The following IGSF11 variants were observed in gnomAD, a reference collection of about 807,000 sequenced individuals.
IGSF11 encodes CXADR like 1.
A neutral mutation model predicts 41.0 loss-of-function variants in IGSF11; 22 were observed. The observed-to-expected ratio is 0.54, with a 90% CI of 0.38 to 0.77. The LOEUF (loss-of-function observed/expected upper bound fraction) is 0.77, where lower values mean the gene tolerates loss of function less well. Among genes scored for constraint, IGSF11 ranks in the 30% least tolerant of loss-of-function variants. IGSF11 has a pLI of 0.00. For missense variants in IGSF11, 444 were observed against 530.8 expected, an observed-to-expected ratio of 0.84 and a Z score of 1.61; for synonymous variants, 219 against 201.3, an observed-to-expected ratio of 1.09 and a Z score of -0.74.
chr3:118,966,525 T>C (rs887001521), intron 1 of IGSF11, among the ~76,000 whole-genome samples: 2 of 152,166 alleles, frequency 1.3e-5, no homozygotes, highest in African/African-American at 4.8e-5. Context: ...GCCTTTCTGA[T>C]TTGCATTTCC....
At chr3:119,105,220 A>G (rs765371466) in exon 1 of IGSF11, 9 of 1,521,328 alleles carry the variant, frequency 5.9e-6, no homozygotes, top group Non-Finnish European at 8.2e-6. Context: ...GGAAGGTGAG[A>G]ACAGGGGAAG....
chr3:119,143,871 G>T (rs2077682371), intron 1 of IGSF11, among the ~76,000 whole-genome samples: 1 of 152,058 alleles, frequency 6.6e-6, no homozygotes, highest in Non-Finnish European at 1.5e-5. Context: ...ACGAAGAAGT[G>T]CATTATATAT....
At chr3:118,907,395 G>A (rs1939740467) in intron 4 of IGSF11, among the ~76,000 whole-genome samples, 1 of 152,086 alleles carries the variant, frequency 6.6e-6, no homozygotes, top group African/African-American at 2.4e-5. Flanking sequence ...ACCCTAATGA[G>A]ACAAGTATAC....
intron 1 of IGSF11, among the ~76,000 whole-genome samples, chr3:119,058,492 GT>G: frequency 6.6e-6 from 1 of 151,682 alleles, no homozygotes; most frequent in African/African-American, 2.4e-5. Context: ...TGGAGAGGAT[GT>G]GGAGAAATAA....
At chr3:119,131,523 C>T (rs1180422468) in intron 1 of IGSF11, among the ~76,000 whole-genome samples, 1 of 152,172 alleles carries the variant, frequency 6.6e-6, no homozygotes, top group African/African-American at 2.4e-5. Context: ...AAGAAGGGAA[C>T]AAAGCCTCCA....
chr3:119,064,545 TAGGAATCATC>T (rs1194083595), intron 1 of IGSF11, among the ~76,000 whole-genome samples: 104 of 149,494 alleles, frequency 7.0e-4, no homozygotes, highest in African/African-American at 2.2e-3. Context: ...CATGTGAACT[TAGGAATCATC>T]ACCTCAATTT....
intron 1 of IGSF11, among the ~76,000 whole-genome samples, chr3:119,115,387 T>C (rs1019901587): frequency 1.3e-5 from 2 of 152,230 alleles, no homozygotes; most frequent in African/African-American, 4.8e-5. Flanking sequence ...GGGTTCCCTT[T>C]TCCTCACATC....
In IGSF11 at chr3:119,034,655, C is replaced by A; in HGVS notation, c.-73G>T. The A allele has an allele frequency of 6.8e-7, 1 of 1,480,142 alleles. No individual in the cohort carries two copies. The highest frequency in any genetic ancestry group is 9.0e-7 in the Non-Finnish European group (1 of 1,109,250). The allele number at this position is 1,480,142 out of a possible 1,614,324, so 91.7% of individuals were successfully genotyped here. The stretch of plus-strand genomic sequence containing the variant: ...CAACAGGAGAGGAGCGGGCGTGAGT[C>A]TCCGCGCTCTTGGGGCAGCCTGGTC... On this transcript the variant is annotated 5_prime_UTR_variant, in exon 1 of 7. Coordinates refer to ENST00000393775, the MANE Select transcript of IGSF11 (RefSeq NM_001015887.3).
chr3:118,946,879 A>T (rs1167723633), intron 1 of IGSF11, among the ~76,000 whole-genome samples: 1 of 152,260 alleles, frequency 6.6e-6, no homozygotes, highest in African/African-American at 2.4e-5. Flanking sequence ...TGGGAGGCCA[A>T]GGCGGGCGGA....
At position 118,902,622 on chromosome 3, in the gene IGSF11, A is replaced by C. The variant is rs1378231079; in HGVS notation, c.1194T>G (p.Pro398=). 6.2e-7 allele frequency: 1 copy of C among 1,613,932 alleles called. No homozygotes were observed. The part of the protein sequence containing the change: ...SNGSVSRKPR[P]PHTHSYTISH... ...TGATGGTGTAGGAATGAGTGTGTGG[A>C]GGCCGAGGCTTCCTACTGACTGAGC... The change falls in exon 7 of 7, where the codon CCT becomes CCG. Residue 398 remains proline, a synonymous_variant. Transcript: ENST00000393775.
At chr3:118,950,557 C>T (rs979210987) in intron 1 of IGSF11, among the ~76,000 whole-genome samples, 8 of 151,832 alleles carry the variant, frequency 5.3e-5, no homozygotes, top group Non-Finnish European at 7.4e-5. Flanking sequence ...AATACACACA[C>T]GCAAACATAT....
intron 1 of IGSF11, among the ~76,000 whole-genome samples, chr3:118,995,271 G>A (rs1055193248): frequency 3.3e-5 from 5 of 152,140 alleles, no homozygotes; most frequent in Admixed American, 6.5e-5. Context: ...CAAATGCAAT[G>A]TTACATAGTA....
chr3:119,076,306 C>T (rs2076498232), intron 1 of IGSF11, among the ~76,000 whole-genome samples: 3 of 152,106 alleles, frequency 2.0e-5, no homozygotes, highest in Admixed American at 1.3e-4. Context: ...ACCATAAAAA[C>T]CCTAGAAGAA....
At chr3:119,127,395 C>T (rs966208801) in intron 1 of IGSF11, among the ~76,000 whole-genome samples, 10 of 151,616 alleles carry the variant, frequency 6.6e-5, no homozygotes, top group South Asian at 4.2e-4. Context: ...ACCAAATCTA[C>T]GATTGATTGG....
chr3:119,013,002 T>A (rs985237922), intron 1 of IGSF11: 3 of 152,308 alleles, frequency 2.0e-5, no homozygotes, highest in Non-Finnish European at 4.4e-5. Context: ...CCTTAAACCC[T>A]ACCCTACTCT....
rs532461623 is a variant in IGSF11 at position 119,103,511 on chromosome 3, T to A, written c.49+1633A>T. ...TTTATAAGAGGAAGGAGCTAAGATC[T>A]TCCTTTCTGCTAAGCCAAGAATTTC... On this transcript the variant is annotated intron_variant, in intron 1 of 6. Transcript: ENST00000354673. Among the ~76,000 whole-genome samples, 13 of 152,276 alleles carry A rather than the reference T, an allele frequency of 8.5e-5. No individual in the cohort carries two copies. In the East Asian group the frequency reaches 2.5e-3, roughly 29 times the overall value.
At chr3:119,057,326 T>C (rs1002462326) in intron 1 of IGSF11, among the ~76,000 whole-genome samples, 8 of 151,972 alleles carry the variant, frequency 5.3e-5, no homozygotes, top group Non-Finnish European at 1.0e-4. Flanking sequence ...TATACACCAA[T>C]AACAGACAAA....
In IGSF11 at chr3:118,928,525, G is replaced by A. The variant is rs775388268; in HGVS notation, c.408C>T (p.Thr136=). ...PDIGGRNIGV[T]GLTVLVPPSA... is the part of the protein sequence containing the mutation. ...GTCACTCACCTAACACTGTGAGACC[G>A]GTGACCCCAATGTTCCTGCCCCCTA... is the stretch of plus-strand genomic sequence containing the variant. The change falls in exon 3 of 7, where the codon ACC becomes ACT. Residue 136 remains threonine (T), a synonymous_variant. Transcript: ENST00000393775. The A allele has an allele frequency of 4.0e-5, 64 of 1,612,444 alleles. No homozygotes were observed. Among genetic ancestry groups the A allele is most frequent in the Admixed American group, 2.3e-4 (14 of 59,974 alleles).
At chr3:118,940,844 T>G (rs1559932267) in intron 1 of IGSF11, among the ~76,000 whole-genome samples, 2 of 150,456 alleles carry the variant, frequency 1.3e-5, no homozygotes, top group Admixed American at 6.6e-5. Context: ...GTCAAAGCCA[T>G]TCAGGGGGAA....
Sources: allele counts gnomAD v4.1 joint callset (sites outside exome capture counted in the v4.1 genomes callset), GRCh38; gene constraint gnomAD v4.1.1; transcripts MANE v1.5; gene names NCBI Gene and HGNC (gene_info 2026-07-23, HGNC 2026-07-21).